TFAP2B: variants seen among roughly 807,000 people sequenced by gnomAD.
The protein encoded by TFAP2B is transcription factor AP-2 beta, also known as transcription factor AP-2-beta.
In TFAP2B, 9 loss-of-function variants were observed where a neutral mutation model predicts 44.3. The observed-to-expected ratio is 0.20, with a 90% CI of 0.12 to 0.35. TFAP2B has a LOEUF of 0.35. Ranked by LOEUF, TFAP2B falls within the 10% of genes least tolerant of loss-of-function variation. The pLI, the probability that TFAP2B is intolerant of heterozygous loss-of-function variation, is 1.00. For missense variants in TFAP2B, 509 were observed against 600.0 expected, an observed-to-expected ratio of 0.85 and a Z score of 1.59; for synonymous variants, 270 against 263.8, an observed-to-expected ratio of 1.02 and a Z score of -0.23.
At chr6:50,822,212 T>C in intron 1 of TFAP2B, 1 of 1,259,616 alleles carries the variant, frequency 7.9e-7, no homozygotes, top group South Asian at 1.2e-5. Flanking sequence ...CCTCTCACTG[T>C]CTCTCTGTCT....
chr6:50,819,739 C>G (rs1770270696), intron 1 of TFAP2B, among the ~76,000 whole-genome samples: 1 of 152,210 alleles, frequency 6.6e-6, no homozygotes, highest in Non-Finnish European at 1.5e-5. Context: ...GGGCCCGGAC[C>G]GCGCTCGCCA....
intron 1 of TFAP2B, among the ~76,000 whole-genome samples, chr6:50,819,431 A>G (rs1770260562): frequency 6.6e-6 from 1 of 151,992 alleles, no homozygotes; most frequent in South Asian, 2.1e-4. Context: ...TCTGAAATTG[A>G]TAACAAATGG....
At chr6:50,819,189 G>A (rs894530884) in intron 1 of TFAP2B, among the ~76,000 whole-genome samples, 1 of 151,938 alleles carries the variant, frequency 6.6e-6, no homozygotes, top group Non-Finnish European at 1.5e-5. Context: ...ATTTAGGAAT[G>A]TTTTTATTTA....
rs1762862138 is a variant in TFAP2B, at chr6:50,846,939, A to G, written c.*3547A>G. The G allele has an allele frequency of 6.6e-6, 1 of 152,610 alleles. No homozygotes were observed. The highest frequency in any genetic ancestry group is 1.5e-5 in the Non-Finnish European group (1 of 68,038). The allele number at this position is 152,610 out of a possible 1,614,324, so 9.5% of individuals were successfully genotyped here. On this transcript the variant is annotated 3_prime_UTR_variant, in exon 7 of 7. Coordinates refer to ENST00000393655, the MANE Select transcript of TFAP2B (RefSeq NM_003221.4). ...CAAGGAAGCCACTTTCTCTCAAGCA[A>G]TTATTTCATATCCTACGAAAACTTT...
Position 50,847,009 on chromosome 6 carries a change from T to G in TFAP2B, c.*3617T>G, listed in dbSNP as rs1762863416. On this transcript the variant is annotated 3_prime_UTR_variant, in exon 7 of 7. Transcript: ENST00000393655. Reference sequence around the variant, plus strand: ...AACCTCGAGCTTATCTACACACTGTTCCTCTGCTACAATGCTTTCCTAGTT... The same window carrying G: ...AACCTCGAGCTTATCTACACACTGTGCCTCTGCTACAATGCTTTCCTAGTT... 1 of 152,662 alleles carries G rather than the reference T, an allele frequency of 6.6e-6. No individual in the cohort carries two copies. Among genetic ancestry groups the G allele is most frequent in the Non-Finnish European group, 1.5e-5 (1 of 68,046 alleles). 9.5% of individuals were successfully genotyped at this position (152,662 alleles called of 1,614,324 possible). A position where few individuals can be genotyped will look rare whatever the true frequency, so the allele number is the denominator to read the frequency against.
intron 6 of TFAP2B, among the ~76,000 whole-genome samples, chr6:50,841,486 G>GA (rs960929926): frequency 1.3e-5 from 2 of 151,978 alleles, no homozygotes; most frequent in African/African-American, 4.8e-5. Context: ...GTACTTTAGG[G>GA]AAAAAAATAA....
chr6:50,847,488 C>T lies in TFAP2B; in HGVS notation c.*4096C>T, dbSNP rs900207822. The T allele has an allele frequency of 6.6e-6, 1 of 152,488 alleles. No individual in the cohort carries two copies. The highest frequency in any genetic ancestry group is 2.4e-5 in the African/African-American group (1 of 41,396). The allele number at this position is 152,488 out of a possible 1,614,324, so 9.4% of individuals were successfully genotyped here. A position where few individuals can be genotyped will look rare whatever the true frequency, so the allele number is the denominator to read the frequency against. ...ATGGGTGGTTAAAAAACCTCTTGACCCTAGATAGAATCCTATCTGAATTTT... is the reference window on the plus strand; with the variant it reads ...ATGGGTGGTTAAAAAACCTCTTGACTCTAGATAGAATCCTATCTGAATTTT... On this transcript the variant is annotated 3_prime_UTR_variant, in exon 7 of 7. Transcript: ENST00000393655.
chr6:50,819,217 T>A (rs1770254564), intron 1 of TFAP2B, among the ~76,000 whole-genome samples: 1 of 151,792 alleles, frequency 6.6e-6, no homozygotes, highest in Admixed American at 6.6e-5. Context: ...TTTCTTTCCC[T>A]TTTCCTCGCC....
intron 2 of TFAP2B, among the ~76,000 whole-genome samples, chr6:50,828,318 T>A (rs2857497): frequency 0.045 from 6,809 of 152,290 alleles, 489 homozygotes; most frequent in African/African-American, 0.15. Context: ...TTACAATTCA[T>A]AAGAGCAAAT....
intron 5 of TFAP2B, among the ~76,000 whole-genome samples, chr6:50,838,850 A>T (rs1385847887): frequency 6.6e-6 from 1 of 152,192 alleles, no homozygotes; most frequent in Non-Finnish European, 1.5e-5. Flanking sequence ...GATGGTCCTA[A>T]TGGAGGAAGA....
At position 50,843,503 on chromosome 6, in the gene TFAP2B, T is replaced by C; in HGVS notation, c.*111T>C. 8.9e-7 allele frequency: 1 copy of C among 1,129,416 alleles called. No individual in the cohort carries two copies. The highest frequency in any genetic ancestry group is 1.3e-6 in the Non-Finnish European group (1 of 797,784). The allele number at this position is 1,129,416 out of a possible 1,614,324, so 70.0% of individuals were successfully genotyped here. A position where few individuals can be genotyped will look rare whatever the true frequency, so the allele number is the denominator to read the frequency against. On this transcript the variant is annotated 3_prime_UTR_variant, in exon 7 of 7. Transcript: ENST00000393655. ...TTGGCTTTGGAAGAATTATATTAGG[T>C]AGAATACACATACAATCAAAATTTT... is the stretch of plus-strand genomic sequence containing the variant.
chr6:50,820,122 AGTT>A (rs1770296526), intron 1 of TFAP2B, among the ~76,000 whole-genome samples: 1 of 152,016 alleles, frequency 6.6e-6, no homozygotes, highest in South Asian at 2.1e-4. Flanking sequence ...TAAGAGGAAA[AGTT>A]GGAGAGAAAA....
chr6:50,821,420 C>T (rs150714235), intron 1 of TFAP2B, among the ~76,000 whole-genome samples: 2 of 152,256 alleles, frequency 1.3e-5, no homozygotes, highest in East Asian at 3.9e-4. Flanking sequence ...TTTTTGTAAT[C>T]CTCACACAAA....
At chr6:50,835,797 T>G (rs1196538958) in intron 3 of TFAP2B, among the ~76,000 whole-genome samples, 1 of 152,188 alleles carries the variant, frequency 6.6e-6, no homozygotes, top group Non-Finnish European at 1.5e-5. Context: ...GTTGTTTGAT[T>G]TCTTGATTTG....
chr6:50,834,702 C>T (rs532947896), intron 3 of TFAP2B, among the ~76,000 whole-genome samples: 51 of 152,224 alleles, frequency 3.4e-4, no homozygotes, highest in African/African-American at 1.2e-3. Context: ...AGGCTCCAGA[C>T]GACAGAAACA....
rs1762788209 is a variant in TFAP2B at position 50,843,965 on chromosome 6, C to T, written c.*573C>T. 6.5e-6 allele frequency: 1 copy of T among 154,358 alleles called. No homozygotes were observed. Among genetic ancestry groups the T allele is most frequent in the Non-Finnish European group, 1.4e-5 (1 of 69,816 alleles). The allele number at this position is 154,358 out of a possible 1,614,324, so 9.6% of individuals were successfully genotyped here. ...GGGATGAAAATGAGTGTGGTTGGCC[C>T]TTTTGCGTTGTTTCAGTCCTCTCGG... On this transcript the variant is annotated 3_prime_UTR_variant, in exon 7 of 7. Transcript: ENST00000393655.
In TFAP2B at chr6:50,828,607, T is replaced by TTA. The variant is rs1440594758; in HGVS notation, c.541-8_541-7dup. On this transcript the variant is annotated splice_polypyrimidine_tract_variant and intron_variant, in intron 2 of 6. Transcript: ENST00000393655. ...CCTGTCAATTTGAATAGTGATGTTT[T>TTA]TATATTCACAGTCAGTTGAAGATGC... is the stretch of plus-strand genomic sequence containing the variant. The TTA allele has an allele frequency of 1.2e-6, 2 of 1,611,114 alleles. No individual in the cohort carries two copies. The highest frequency in any genetic ancestry group is 1.7e-6 in the Non-Finnish European group (2 of 1,177,416).
At chr6:50,840,457 AC>A (rs932997351) in intron 6 of TFAP2B, among the ~76,000 whole-genome samples, 160 bp downstream of exon 6, 5 of 152,336 alleles carry the variant, frequency 3.3e-5, no homozygotes, top group African/African-American at 1.2e-4. Context: ...TTGATGGGCT[AC>A]AGGTTTGTCT....
At chr6:50,820,975 G>A (rs1261804007) in intron 1 of TFAP2B, among the ~76,000 whole-genome samples, 1 of 151,824 alleles carries the variant, frequency 6.6e-6, no homozygotes, top group Admixed American at 6.6e-5. Flanking sequence ...GAGAGAGAGG[G>A]AATATTACAG....
Sources: gnomAD v4.1 joint callset for allele counts (sites outside exome capture counted in the v4.1 genomes callset) on GRCh38, gnomAD v4.1.1 for gene constraint, MANE v1.5 for transcripts, NCBI Gene and HGNC (gene_info 2026-07-23, HGNC 2026-07-21) for gene names.